PRKCA: variants seen among roughly 807,000 people sequenced by gnomAD.
PRKCA encodes the protein protein kinase C alpha type.
In PRKCA, 27 loss-of-function variants were observed where a neutral mutation model predicts 87.0. The observed-to-expected ratio is 0.31, with a 90% confidence interval of 0.23 to 0.43. PRKCA has a LOEUF of 0.43. Among genes scored for constraint, PRKCA ranks in the 20% least tolerant of loss-of-function variants. The pLI is 1.00. For synonymous variants in PRKCA, 329 were observed against 311.1 expected, an observed-to-expected ratio of 1.06 and a Z score of -0.61; for missense variants, 518 against 852.3, an observed-to-expected ratio of 0.61 and a Z score of 4.88.
intron 8 of PRKCA, among the ~76,000 whole-genome samples, chr17:66,700,419 C>A (rs960736528): frequency 3.9e-5 from 6 of 152,148 alleles, no homozygotes; most frequent in Non-Finnish European, 8.8e-5. Flanking sequence ...ATTCTCTCCA[C>A]TTCTATTCAA....
intron 2 of PRKCA, among the ~76,000 whole-genome samples, chr17:66,431,021 C>T (rs1223108445): frequency 6.6e-6 from 1 of 152,182 alleles, no homozygotes; most frequent in Non-Finnish European, 1.5e-5. Flanking sequence ...TTTCTGAAAG[C>T]ATGGTTTGGG....
At chr17:66,417,662 A>C (rs1912234698) in intron 2 of PRKCA, among the ~76,000 whole-genome samples, 2 of 152,156 alleles carry the variant, frequency 1.3e-5, no homozygotes, top group African/African-American at 4.8e-5. Flanking sequence ...GTGTCACTGC[A>C]AAGCGACAGC....
intron 5 of PRKCA, among the ~76,000 whole-genome samples, chr17:66,673,960 T>C (rs1972257947): frequency 6.6e-6 from 1 of 152,256 alleles, no homozygotes; most frequent in African/African-American, 2.4e-5. Flanking sequence ...TCTTCGCCCG[T>C]GAAAAGGCCT....
intron 16 of PRKCA, among the ~76,000 whole-genome samples, chr17:66,801,814 G>C (rs999200885): frequency 6.6e-6 from 1 of 152,128 alleles, no homozygotes; most frequent in African/African-American, 2.4e-5. Context: ...CCCACAGGCA[G>C]CCCCTGCCTC....
At chr17:66,540,885 C>G (rs1205645809) in intron 3 of PRKCA, among the ~76,000 whole-genome samples, 2 of 152,212 alleles carry the variant, frequency 1.3e-5, no homozygotes, top group Non-Finnish European at 2.9e-5. Flanking sequence ...TCTCTGTGCA[C>G]TCCCTGAGCC....
At chr17:66,325,371 AT>A (rs1309011746) in intron 2 of PRKCA, among the ~76,000 whole-genome samples, 1 of 152,182 alleles carries the variant, frequency 6.6e-6, no homozygotes, top group African/African-American at 2.4e-5. Flanking sequence ...TGCAGTTGAA[AT>A]TTGGTATTTG....
intron 3 of PRKCA, among the ~76,000 whole-genome samples, chr17:66,587,889 GTGTGTGTATATATA>G (rs1969665463): frequency 1.1e-5 from 1 of 94,230 alleles, no homozygotes; most frequent in Non-Finnish European, 2.0e-5. Flanking sequence ...GTGTGTGTGT[GTGTGTGTATATATA>G]TATATATATA....
intron 3 of PRKCA, 109 bp from the exon 4 acceptor site, chr17:66,641,246 T>C: frequency 1.5e-6 from 1 of 682,758 alleles, no homozygotes; most frequent in Non-Finnish European, 2.6e-6. Context: ...AGTCTGGTGT[T>C]ATCGAACCTT....
chr17:66,620,911 A>T (rs1354838759), intron 3 of PRKCA, among the ~76,000 whole-genome samples: 1 of 152,202 alleles, frequency 6.6e-6, no homozygotes, highest in Non-Finnish European at 1.5e-5. Context: ...TCTGAAAATA[A>T]CTCAGCTCTG....
intron 2 of PRKCA, among the ~76,000 whole-genome samples, chr17:66,330,356 C>T (rs1906255390): frequency 6.6e-6 from 1 of 152,144 alleles, no homozygotes; most frequent in Non-Finnish European, 1.5e-5. Context: ...ATCCCCCTGC[C>T]TCTGCCTCCC....
chr17:66,673,044 C>T (rs1276151083), intron 5 of PRKCA, among the ~76,000 whole-genome samples: 3 of 152,108 alleles, frequency 2.0e-5, no homozygotes, highest in Non-Finnish European at 4.4e-5. Context: ...TATCTTCCTA[C>T]GTTGTTTATG....
At chr17:66,400,992 CTTCT>C (rs1391228665) in intron 2 of PRKCA, among the ~76,000 whole-genome samples, 1 of 152,142 alleles carries the variant, frequency 6.6e-6, no homozygotes, top group Non-Finnish European at 1.5e-5. Flanking sequence ...AGGCATTGTT[CTTCT>C]TTAAGTATTT....
At chr17:66,775,430 CAA>C in intron 14 of PRKCA, 5 of 985,294 alleles carry the variant, frequency 5.1e-6, no homozygotes, top group Non-Finnish European at 6.0e-6. Flanking sequence ...CAGTGGGACA[CAA>C]AGAGGCAGGA....
chr17:66,489,352 C>T (rs1248824594), intron 2 of PRKCA, among the ~76,000 whole-genome samples: 4 of 98,914 alleles, frequency 4.0e-5, no homozygotes, highest in Admixed American at 1.1e-4. Flanking sequence ...CTTAGCAGTG[C>T]ATATATATAT....
intron 14 of PRKCA, chr17:66,775,397 A>G: frequency 1.0e-6 from 1 of 984,266 alleles, no homozygotes; most frequent in Non-Finnish European, 1.2e-6. Context: ...ACTTCTGCCT[A>G]GGTTCCACTG....
intron 11 of PRKCA, among the ~76,000 whole-genome samples, chr17:66,740,825 G>A (rs1375999607): frequency 1.3e-5 from 2 of 152,196 alleles, no homozygotes; most frequent in African/African-American, 4.8e-5. Context: ...AGAAAAGCAT[G>A]AAAAATAATG....
intron 3 of PRKCA, among the ~76,000 whole-genome samples, chr17:66,558,133 C>T (rs1295057093): frequency 6.6e-6 from 1 of 152,238 alleles, no homozygotes; most frequent in African/African-American, 2.4e-5. Context: ...GGGCCTTGCC[C>T]TCCTAGGCTT....
chr17:66,671,209 C>CAAAA (rs778507190), intron 5 of PRKCA, among the ~76,000 whole-genome samples: 1,764 of 48,296 alleles, frequency 0.037, 221 homozygotes, highest in African/African-American at 0.093. Flanking sequence ...AGACTCATCT[C>CAAAA]AAAAAAAAAA....
chr17:66,765,049 G>A (rs1598926669), intron 13 of PRKCA, among the ~76,000 whole-genome samples: 1 of 152,180 alleles, frequency 6.6e-6, no homozygotes, highest in African/African-American at 2.4e-5. Flanking sequence ...AATACAAGCC[G>A]AAACTGCGTT....
Sources: allele counts gnomAD v4.1 joint callset (sites outside exome capture counted in the v4.1 genomes callset), GRCh38; gene constraint gnomAD v4.1.1; transcripts MANE v1.5; gene names NCBI Gene and HGNC (gene_info 2026-07-23, HGNC 2026-07-21).